CCSER1: variants seen among roughly 807,000 people sequenced by gnomAD.
CCSER1 encodes coiled-coil serine rich protein 1.
Under a neutral mutation model 82.0 loss-of-function variants are expected in CCSER1, and 41 were observed. That is an observed-to-expected ratio of 0.50 (90% confidence interval 0.39 to 0.65). CCSER1 has a LOEUF of 0.65. Among genes scored for constraint, CCSER1 ranks in the 30% least tolerant of loss-of-function variants. The probability of loss-of-function intolerance (pLI) is 0.00; values close to 1 mark genes in which losing one functional copy is unlikely to be tolerated. For synonymous variants in CCSER1, 414 were observed against 383.9 expected (o/e 1.08, Z -0.92); for missense variants, 1,119 against 1,064.2 (o/e 1.05, Z -0.72).
At chr4:90,194,174 A>G (rs1269653926) in intron 1 of CCSER1, among the ~76,000 whole-genome samples, 1 of 152,092 alleles carries the variant, frequency 6.6e-6, no homozygotes, top group Non-Finnish European at 1.5e-5. Context: ...CAAATAGCCT[A>G]GATCAGATTT....
chr4:90,431,120 A>G (rs1390317414), intron 4 of CCSER1, among the ~76,000 whole-genome samples: 1 of 152,032 alleles, frequency 6.6e-6, no homozygotes, highest in Non-Finnish European at 1.5e-5. Context: ...TGTTAATATA[A>G]GTTAATATGG....
intron 10 of CCSER1, among the ~76,000 whole-genome samples, chr4:91,316,089 G>A (rs540255731): frequency 1.3e-4 from 19 of 151,964 alleles, no homozygotes; most frequent in South Asian, 4.2e-4. Flanking sequence ...CTTGCCTGCC[G>A]CCATGTAGGA....
At chr4:90,634,209 A>G (rs1311663381) in intron 6 of CCSER1, among the ~76,000 whole-genome samples, 1 of 151,788 alleles carries the variant, frequency 6.6e-6, no homozygotes, top group Non-Finnish European at 1.5e-5. Context: ...TAGCCAGATA[A>G]GTAAAAATCA....
At chr4:90,271,915 G>T (rs1275363882) in intron 1 of CCSER1, among the ~76,000 whole-genome samples, 1 of 115,996 alleles carries the variant, frequency 8.6e-6, no homozygotes, top group Non-Finnish European at 1.7e-5. Context: ...TTGACTCACA[G>T]TTCTAGATGA....
In CCSER1 at chr4:90,753,718, C is replaced by T. The variant is rs190913090; in HGVS notation, c.2010+29727C>T. On this transcript the variant is annotated intron_variant, in intron 7 of 10. Transcript: ENST00000509176. ...AAAATAAATTGGATTGTGTCATTCCCTTGCTTAAAACACTCCAGTGCCTTC... is the reference window on the plus strand; with the variant it reads ...AAAATAAATTGGATTGTGTCATTCCTTTGCTTAAAACACTCCAGTGCCTTC... 1.9e-3 allele frequency among the ~76,000 whole-genome samples: 292 copies of T among 152,210 alleles called. 1 individual carries two copies. The highest frequency in any genetic ancestry group is 6.9e-3 in the African/African-American group (287 of 41,546).
intron 10 of CCSER1, among the ~76,000 whole-genome samples, chr4:91,545,213 A>G (rs1333293400): frequency 6.6e-6 from 1 of 152,080 alleles, no homozygotes; most frequent in Non-Finnish European, 1.5e-5. Flanking sequence ...CCGATTTTCC[A>G]GGTACCATCT....
intron 3 of CCSER1, among the ~76,000 whole-genome samples, chr4:90,353,967 G>T (rs892232257): frequency 8.5e-5 from 13 of 152,146 alleles, no homozygotes; most frequent in African/African-American, 3.1e-4. Flanking sequence ...GGCTTCCTTT[G>T]AGAGATCTCA....
At chr4:90,369,046 C>T (rs1325312120) in intron 3 of CCSER1, among the ~76,000 whole-genome samples, 1 of 151,622 alleles carries the variant, frequency 6.6e-6, no homozygotes, top group Non-Finnish European at 1.5e-5. Flanking sequence ...AAAAATTATA[C>T]CTGCAGAAAT....
chr4:91,399,664 T>C (rs1454558235), intron 10 of CCSER1, among the ~76,000 whole-genome samples: 2 of 151,952 alleles, frequency 1.3e-5, no homozygotes, highest in Non-Finnish European at 2.9e-5. Flanking sequence ...TTTTAACATC[T>C]CTTTGTGGTG....
intron 10 of CCSER1, among the ~76,000 whole-genome samples, chr4:91,367,130 CAA>C (rs70965488): frequency 1.7e-4 from 11 of 63,728 alleles, no homozygotes; most frequent in Admixed American, 5.9e-4. Context: ...ACCATCTCTC[CAA>C]AAAAAAAAAA....
chr4:90,862,143 T>C (rs1477424155), intron 8 of CCSER1, among the ~76,000 whole-genome samples: 1 of 151,776 alleles, frequency 6.6e-6, no homozygotes, highest in Non-Finnish European at 1.5e-5. Flanking sequence ...GATACATTTC[T>C]GAGTACAATT....
At chr4:91,120,772 A>G (rs1419228535) in intron 10 of CCSER1, among the ~76,000 whole-genome samples, 2 of 151,894 alleles carry the variant, frequency 1.3e-5, no homozygotes, top group South Asian at 2.1e-4. Flanking sequence ...GGCCTGGGCT[A>G]TGTTTATAAG....
intron 1 of CCSER1, among the ~76,000 whole-genome samples, chr4:90,254,798 G>A (rs1722972856): frequency 6.6e-6 from 1 of 152,018 alleles, no homozygotes; most frequent in African/African-American, 2.4e-5. Context: ...CTGAATAAAT[G>A]TTTCTCCATT....
At chr4:91,233,982 T>C (rs1428107468) in intron 10 of CCSER1, among the ~76,000 whole-genome samples, 3 of 151,968 alleles carry the variant, frequency 2.0e-5, no homozygotes, top group Non-Finnish European at 2.9e-5. Flanking sequence ...TTTAGTGAAC[T>C]CTTCTAGAAA....
At chr4:90,440,932 T>C (rs542543064) in intron 4 of CCSER1, among the ~76,000 whole-genome samples, 8 of 151,988 alleles carry the variant, frequency 5.3e-5, no homozygotes, top group Non-Finnish European at 1.2e-4. Context: ...TAAGAGCCAA[T>C]TTAGCTTCGA....
At chr4:90,628,315 G>T (rs1723708674) in intron 6 of CCSER1, 83 bp downstream of exon 6, 3 of 1,038,354 alleles carry the variant, frequency 2.9e-6, no homozygotes, top group Non-Finnish European at 4.4e-6. Context: ...TGCTCTGTCA[G>T]TAATTAACTA....
intron 6 of CCSER1, among the ~76,000 whole-genome samples, chr4:90,666,259 A>AT (rs1384501774): frequency 1.3e-5 from 2 of 152,168 alleles, no homozygotes; most frequent in Non-Finnish European, 1.5e-5. Context: ...CTGATTAGTA[A>AT]TTTGAATTAC....
chr4:91,324,131 G>A (rs1458855837), intron 10 of CCSER1, among the ~76,000 whole-genome samples: 1 of 152,076 alleles, frequency 6.6e-6, no homozygotes, highest in African/African-American at 2.4e-5. Flanking sequence ...AACAATTTAG[G>A]TAGAGAGACA....
intron 5 of CCSER1, among the ~76,000 whole-genome samples, chr4:90,574,882 T>A (rs549610100): frequency 6.6e-6 from 1 of 152,162 alleles, no homozygotes; most frequent in Non-Finnish European, 1.5e-5. Context: ...GTCTGATGAA[T>A]GTTTTTCTCC....
Sources: allele counts gnomAD v4.1 joint callset (sites outside exome capture counted in the v4.1 genomes callset), GRCh38; gene constraint gnomAD v4.1.1; transcripts MANE v1.5; gene names NCBI Gene and HGNC (gene_info 2026-07-23, HGNC 2026-07-21).